PDE9A: variants seen among roughly 807,000 people sequenced by gnomAD.
PDE9A encodes phosphodiesterase 9A, also known as high affinity cGMP-specific 3',5'-cyclic phosphodiesterase 9A.
PDE9A carries 60 observed loss-of-function variants against 87.4 expected under a neutral mutation model. The ratio of observed to expected loss-of-function variants is 0.69; its 90% CI spans 0.56 to 0.85. The LOEUF (loss-of-function observed/expected upper bound fraction) is 0.85, where lower values mean the gene tolerates loss of function less well. Ranked by LOEUF, PDE9A falls within the 40% of genes least tolerant of loss-of-function variation. PDE9A has a pLI of 0.00. For synonymous variants in PDE9A, 272 were observed against 279.4 expected (o/e 0.97, Z 0.27); for missense variants, 665 against 779.0 (o/e 0.85, Z 1.74).
At chr21:42,698,705 G>A (rs1031913351) in intron 3 of PDE9A, among the ~76,000 whole-genome samples, 28 of 152,102 alleles carry the variant, frequency 1.8e-4, no homozygotes, top group African/African-American at 6.3e-4. Context: ...ACCTGTGATC[G>A]GCAGTAGTAC....
intron 17 of PDE9A, among the ~76,000 whole-genome samples, chr21:42,770,178 G>A (rs1302654436): frequency 1.3e-5 from 2 of 150,118 alleles, no homozygotes; most frequent in East Asian, 3.9e-4. Context: ...GCTCCCCCCA[G>A]GGCCTCTGAG....
chr21:42,660,451 A>C lies in PDE9A; in HGVS notation c.69+6568A>C, dbSNP rs979983719. On this transcript the variant is annotated intron_variant, in intron 1 of 19. Coordinates refer to ENST00000291539, the MANE Select transcript of PDE9A (RefSeq NM_002606.3). The surrounding 1 kb of genome is among the most constrained non-coding windows in gnomAD (Gnocchi z 4.7). ...GGGTGCTTGCATTTCCAGGGGTCCAAATATTTTTGAGAAGAAAATGTTCTA... is the reference window on the plus strand; with the variant it reads ...GGGTGCTTGCATTTCCAGGGGTCCACATATTTTTGAGAAGAAAATGTTCTA... 6.6e-6 allele frequency among the ~76,000 whole-genome samples: 1 copy of C among 152,152 alleles called. No homozygotes were observed. The highest frequency in any genetic ancestry group is 6.5e-5 in the Admixed American group (1 of 15,280).
chr21:42,678,149 G>A (rs1412512237), intron 1 of PDE9A, among the ~76,000 whole-genome samples: 3 of 152,222 alleles, frequency 2.0e-5, no homozygotes, highest in Non-Finnish European at 4.4e-5. Flanking sequence ...CTTCCCTTCC[G>A]GGTGTGGAAT....
intron 16 of PDE9A, 74 bp from the exon 17 acceptor site, chr21:42,768,953 C>T: frequency 2.0e-6 from 3 of 1,526,510 alleles, no homozygotes; most frequent in Non-Finnish European, 1.8e-6. Flanking sequence ...CGCATCTTGT[C>T]TTTCTCTGAG....
Position 42,760,361 on chromosome 21 carries a change from T to C in PDE9A, c.931T>C (p.Phe311Leu). ...CVHDNYRNNP[F>L]HNFRHCFCVA... ...CCACGACAACTACAGAAACAACCCC[T>C]TCCACAACTTCCGGCACTGCTTCTG... is the stretch of plus-strand genomic sequence containing the variant. The change falls in exon 12 of 20, where the codon TTC (phenylalanine) becomes CTC (leucine). Residue 311 changes from phenylalanine to leucine, a missense_variant. By Grantham distance (22) the Phe-to-Leu change is conservative. Transcript: ENST00000291539. The surrounding 1 kb of genome is among the most constrained non-coding windows in gnomAD (Gnocchi z 5.2). 7.5e-6 allele frequency: 12 copies of C among 1,610,090 alleles called. No homozygotes were observed. Among genetic ancestry groups the C allele is most frequent in the Non-Finnish European group, 1.0e-5 (12 of 1,179,218 alleles).
At chr21:42,684,965 GA>G (rs2059366857) in intron 1 of PDE9A, among the ~76,000 whole-genome samples, 1 of 145,246 alleles carries the variant, frequency 6.9e-6, no homozygotes, top group Admixed American at 6.8e-5. Context: ...AAAGAAAAAA[GA>G]AAACTAATCT....
intron 1 of PDE9A, among the ~76,000 whole-genome samples, chr21:42,667,526 AAG>A (rs1293036371): frequency 6.6e-6 from 1 of 152,072 alleles, no homozygotes; most frequent in Non-Finnish European, 1.5e-5. Context: ...GAAACAAAGG[AAG>A]AGAGTGGTGA....
chr21:42,691,834 ACCATCACCATCCAAAGTCACCCAGC>A (rs1306000024), intron 3 of PDE9A, among the ~76,000 whole-genome samples: 2 of 150,660 alleles, frequency 1.3e-5, no homozygotes, highest in African/African-American at 2.5e-5. Context: ...CAGACCCATC[ACCATCACCATCCAAAGTCACCCAGC>A]CCATCACCAT....
rs2050602601 is a variant in PDE9A at position 42,722,155 on chromosome 21, T to C, written c.263-9615T>C. On this transcript the variant is annotated intron_variant, in intron 4 of 19. Coordinates refer to ENST00000291539, the MANE Select transcript of PDE9A (RefSeq NM_002606.3). This position sits in a 1 kb window ranked among gnomAD's most constrained non-coding sequence, Gnocchi z 4.1. The stretch of plus-strand genomic sequence containing the variant: ...CATGCCCAGCTAATTTTTTTGTATT[T>C]TTAGTAGAGACGGAGTTTCACCATG... 6.6e-6 allele frequency among the ~76,000 whole-genome samples: 1 copy of C among 152,098 alleles called. No individual in the cohort carries two copies. Among genetic ancestry groups the C allele is most frequent in the Admixed American group, 6.5e-5 (1 of 15,284 alleles).
intron 1 of PDE9A, among the ~76,000 whole-genome samples, chr21:42,668,839 G>A (rs1219861841): frequency 6.7e-6 from 1 of 148,868 alleles, no homozygotes; most frequent in Non-Finnish European, 1.5e-5. Context: ...CGTGTCCTGC[G>A]CATGAACATC....
At chr21:42,771,555 A>G (rs376748402) in intron 18 of PDE9A, among the ~76,000 whole-genome samples, 5 of 151,932 alleles carry the variant, frequency 3.3e-5, no homozygotes, top group East Asian at 1.9e-4. Flanking sequence ...CCCGCTCCCC[A>G]CAGTGCCACT....
chr21:42,753,177 T>C lies in PDE9A; in HGVS notation c.736-813T>C, dbSNP rs182543494. The stretch of plus-strand genomic sequence containing the variant: ...ACCTGCCATCATGCCTGGCTAATTT[T>C]TGTATTTTTGTAGAGTCGGGATTCC... On this transcript the variant is annotated intron_variant, in intron 9 of 19. Transcript: ENST00000291539. Among the ~76,000 whole-genome samples the C allele has an allele frequency of 5.5e-3, 835 of 152,210 alleles. 3 individuals are homozygous for C. The highest frequency in any genetic ancestry group is 7.6e-3 in the Non-Finnish European group (518 of 68,012).
intron 14 of PDE9A, among the ~76,000 whole-genome samples, chr21:42,762,797 A>G (rs887243312): frequency 2.0e-5 from 3 of 152,234 alleles, no homozygotes; most frequent in Admixed American, 2.0e-4. Flanking sequence ...GGTTCAAGCA[A>G]TTCTCCTGCC....
chr21:42,693,075 C>A (rs920769878), intron 3 of PDE9A, among the ~76,000 whole-genome samples: 4 of 152,236 alleles, frequency 2.6e-5, no homozygotes, highest in African/African-American at 9.6e-5. Context: ...CAGAGCCCCA[C>A]CTGACACGGT....
intron 9 of PDE9A, 53 bp downstream of exon 9, chr21:42,751,250 G>A (rs1411715689): frequency 3.1e-6 from 4 of 1,302,304 alleles, no homozygotes; most frequent in Non-Finnish European, 4.5e-6. Flanking sequence ...CCAGCCCCAC[G>A]CCCAGCCCTG....
At chr21:42,676,580 T>G (rs2146041742) in intron 1 of PDE9A, among the ~76,000 whole-genome samples, 1 of 152,360 alleles carries the variant, frequency 6.6e-6, no homozygotes, top group Middle Eastern at 3.4e-3. Context: ...TCCCTTGAGA[T>G]CCATCCAAGT....
chr21:42,736,157 TC>T (rs1569221263), intron 7 of PDE9A, among the ~76,000 whole-genome samples: 2 of 151,478 alleles, frequency 1.3e-5, no homozygotes, highest in African/African-American at 4.9e-5. Context: ...CAGTGCCAGC[TC>T]CCCCCATGCT....
At position 42,760,417 on chromosome 21, in the gene PDE9A, G is replaced by T. The variant is rs766130628; in HGVS notation, c.987G>T (p.Trp329Cys). Residue 329 changes from tryptophan to cysteine, a missense_variant, in exon 12 of 20, where the codon TGG becomes TGT. Transcript: ENST00000291539. This position sits in a 1 kb window ranked among gnomAD's most constrained non-coding sequence, Gnocchi z 5.2. ...CVAQMMYSMVWLCSLQEKFSQ... is the reference protein window; with the variant it reads ...CVAQMMYSMVCLCSLQEKFSQ... The stretch of plus-strand genomic sequence containing the variant: ...CCCAGATGATGTACAGCATGGTCTG[G>T]CTCTGCAGTCTCCAGGTGGGTCCTG... 5.5e-5 allele frequency: 88 copies of T among 1,602,082 alleles called. No individual in the cohort carries two copies. Among genetic ancestry groups the T allele is most frequent in the Non-Finnish European group, 6.9e-5 (81 of 1,174,916 alleles).
intron 1 of PDE9A, among the ~76,000 whole-genome samples, chr21:42,683,356 G>T (rs928767163): frequency 7.9e-5 from 12 of 152,200 alleles, no homozygotes; most frequent in African/African-American, 2.9e-4. Flanking sequence ...TTTTCCATGG[G>T]GCTCGAAGCT....
Sources: gnomAD v4.1 joint callset for allele counts (sites outside exome capture counted in the v4.1 genomes callset) on GRCh38, gnomAD v4.1.1 for gene constraint, Gnocchi (gnomAD v3.1) non-coding constraint, MANE v1.5 for transcripts, NCBI Gene and HGNC (gene_info 2026-07-23, HGNC 2026-07-21) for gene names.